Variants in CDH20 observed in about 807,000 individuals in gnomAD.
CDH20 encodes cadherin-20.
A neutral mutation model predicts 74.2 loss-of-function variants in CDH20; 29 were observed. That is an observed-to-expected ratio of 0.39 (90% CI 0.29 to 0.53). The LOEUF is 0.53. Ranked by LOEUF, CDH20 falls within the 20% of genes least tolerant of loss-of-function variation. The pLI, the probability that CDH20 is intolerant of heterozygous loss-of-function variation, is 0.69. For missense variants in CDH20, 988 were observed against 1,048.3 expected, an observed-to-expected ratio of 0.94 and a Z score of 0.79; for synonymous variants, 469 against 405.4, an observed-to-expected ratio of 1.16 and a Z score of -1.88.
intron 1 of CDH20, among the ~76,000 whole-genome samples, chr18:61,461,958 G>C (rs1000879449): frequency 1.3e-5 from 2 of 152,112 alleles, no homozygotes; most frequent in African/African-American, 4.8e-5. Context: ...CTATGCAAAC[G>C]AAGACTTGGC....
intron 1 of CDH20, among the ~76,000 whole-genome samples, chr18:61,365,011 CT>C (rs1369449986): frequency 1.3e-5 from 2 of 152,150 alleles, no homozygotes; most frequent in African/African-American, 4.8e-5. Context: ...CAGGGAAAGC[CT>C]GTGCTTTCCT....
intron 7 of CDH20, among the ~76,000 whole-genome samples, chr18:61,532,382 C>A (rs1292713340): frequency 6.6e-6 from 1 of 152,060 alleles, no homozygotes; most frequent in Non-Finnish European, 1.5e-5. Context: ...ATTCTGATTT[C>A]TCTAGCTCTT....
At chr18:61,540,418 T>C (rs963493470) in intron 9 of CDH20, among the ~76,000 whole-genome samples, 1 of 152,004 alleles carries the variant, frequency 6.6e-6, no homozygotes, top group Non-Finnish European at 1.5e-5. Flanking sequence ...AAAAAGAAGG[T>C]TAATGGACTC....
At chr18:61,433,190 C>T (rs1354151000) in intron 1 of CDH20, among the ~76,000 whole-genome samples, 1 of 152,050 alleles carries the variant, frequency 6.6e-6, no homozygotes, top group Non-Finnish European at 1.5e-5. Flanking sequence ...CAAGATTAAA[C>T]AAGGTAATGT....
At chr18:61,505,657 A>G (rs1351433415) in intron 5 of CDH20, among the ~76,000 whole-genome samples, 1 of 152,206 alleles carries the variant, frequency 6.6e-6, no homozygotes, top group Non-Finnish European at 1.5e-5. Context: ...TCTTAATACC[A>G]TTCTAAAGCA....
chr18:61,469,364 TACACACACACAC>T lies in CDH20; in HGVS notation c.-152-21009_-152-20998del, dbSNP rs35516738. On this transcript the variant is annotated intron_variant, in intron 1 of 11. Coordinates refer to ENST00000262717, the MANE Select transcript of CDH20 (RefSeq NM_031891.4). ...TTAACCCCAGTTGGATGAGAATGAATACACACACACACACACACACACACACACACACACACA... is the reference window on the plus strand; with the variant it reads ...TTAACCCCAGTTGGATGAGAATGAATACACACACACACACACACACACACA... Among the ~76,000 whole-genome samples the T allele has an allele frequency of 9.0e-3, 1,289 of 142,448 alleles. 15 individuals are homozygous for T. The highest frequency in any genetic ancestry group is 0.031 in the African/African-American group (1,190 of 38,324). The allele number at this position is 142,448 out of a possible 152,430, so 93.5% of individuals were successfully genotyped here. A position where few individuals can be genotyped will look rare whatever the true frequency, so the allele number is the denominator to read the frequency against.
At chr18:61,528,446 G>GACACACATACACACACACACACAC (rs370479851) in intron 7 of CDH20, among the ~76,000 whole-genome samples, 55 of 97,726 alleles carry the variant, frequency 5.6e-4, no homozygotes, top group African/African-American at 1.5e-3. Context: ...AATTGGTTGA[G>GACACACATACACACACACACACAC]ACACACACAC....
intron 1 of CDH20, among the ~76,000 whole-genome samples, chr18:61,384,096 G>A (rs980871593): frequency 1.3e-5 from 2 of 152,126 alleles, no homozygotes; most frequent in African/African-American, 4.8e-5. Context: ...GGTGGTTCTC[G>A]AATTTTTACA....
In CDH20 at chr18:61,490,451, C is replaced by A. The variant is rs1568161391; in HGVS notation, c.-103C>A. 4.4e-6 allele frequency: 5 copies of A among 1,138,146 alleles called. No homozygotes were observed. The highest frequency in any genetic ancestry group is 3.8e-6 in the Non-Finnish European group (3 of 781,228). 70.5% of individuals were successfully genotyped at this position (1,138,146 alleles called of 1,614,324 possible). A position where few individuals can be genotyped will look rare whatever the true frequency, so the allele number is the denominator to read the frequency against. On this transcript the variant is annotated 5_prime_UTR_variant, in exon 2 of 12. Coordinates refer to ENST00000262717, the MANE Select transcript of CDH20 (RefSeq NM_031891.4). ...TTGAAACGGGATCTCATTTAGGAAGCATAAGTGTCCAATCAAAAACTGTGT... is the reference window on the plus strand; with the variant it reads ...TTGAAACGGGATCTCATTTAGGAAGAATAAGTGTCCAATCAAAAACTGTGT...
At chr18:61,446,296 C>A (rs138676453) in intron 1 of CDH20, among the ~76,000 whole-genome samples, 35 of 152,292 alleles carry the variant, frequency 2.3e-4, no homozygotes, top group African/African-American at 7.9e-4. Flanking sequence ...AAATAACACA[C>A]CTCAACCGCA....
At position 61,444,661 on chromosome 18, in the gene CDH20, A is replaced by G. The variant is rs145908316; in HGVS notation, c.-152-45741A>G. On this transcript the variant is annotated intron_variant, in intron 1 of 11. Coordinates refer to ENST00000262717, the MANE Select transcript of CDH20 (RefSeq NM_031891.4). ...AGAGGTGCAAGTCCTGTGCAAGTCT[A>G]CATGGGTGGCTGATGTTAGAGGACA... Among the ~76,000 whole-genome samples, 7 of 152,318 alleles carry G rather than the reference A, an allele frequency of 4.6e-5. No homozygotes were observed. In the East Asian group the frequency reaches 1.4e-3, roughly 29 times the overall value.
chr18:61,554,324 G>A lies in CDH20; in HGVS notation c.2035G>A (p.Asp679Asn), dbSNP rs138127688. 1.9e-6 allele frequency: 3 copies of A among 1,613,706 alleles called. No individual in the cohort carries two copies. Among genetic ancestry groups the A allele is most frequent in the East Asian group, 2.2e-5 (1 of 44,880 alleles). Residue 679 changes from aspartate to asparagine, a missense_variant, in exon 12 of 12, where the codon GAC becomes AAC. By Grantham distance (23) the Asp-to-Asn change is conservative. This residue lies in a region of CDH20 where 375 missense variants were observed against 293.1 expected (regional missense o/e 1.28). Transcript: ENST00000262717. ...CGGCGAGGAGGACACCGAGGCCTTC[G>A]ACATCGCGGCCATGTGGAACCCCCG... ...GGGEEDTEAF[D>N]IAAMWNPREA...
rs1910379610 is a variant in CDH20 at position 61,353,527 on chromosome 18, A to G, written c.-153+19700A>G. 6.6e-6 allele frequency among the ~76,000 whole-genome samples: 1 copy of G among 152,252 alleles called. No homozygotes were observed. Among genetic ancestry groups the G allele is most frequent in the Admixed American group, 6.5e-5 (1 of 15,282 alleles). ...TCTAGAAGATGATCTGTAATTGTAT[A>G]GACACAGCTTTACTTGCTTTTGAAT... On this transcript the variant is annotated intron_variant, in intron 1 of 11. Coordinates refer to ENST00000262717, the MANE Select transcript of CDH20 (RefSeq NM_031891.4). This position sits in a 1 kb window ranked among gnomAD's most constrained non-coding sequence, Gnocchi z 4.6.
At chr18:61,499,597 A>T in intron 3 of CDH20, 117 bp downstream of exon 3, 1 of 843,280 alleles carries the variant, frequency 1.2e-6, no homozygotes, top group Non-Finnish European at 1.8e-6. Context: ...ACAGGAGAGC[A>T]TGAGAGGAGA....
chr18:61,366,996 A>T lies in CDH20; in HGVS notation c.-153+33169A>T, dbSNP rs1472469098. Among the ~76,000 whole-genome samples the T allele has an allele frequency of 2.6e-5, 4 of 152,160 alleles. No homozygotes were observed. In the East Asian group the frequency reaches 5.8e-4, roughly 22 times the overall value. On this transcript the variant is annotated intron_variant, in intron 1 of 11. Transcript: ENST00000262717. ...AATTCTTATGTCCATCTGTGGTATG[A>T]CTTAGAGGTGCATCTGGGATTATAA...
At chr18:61,529,911 TG>T (rs944294064) in intron 7 of CDH20, among the ~76,000 whole-genome samples, 2 of 152,144 alleles carry the variant, frequency 1.3e-5, no homozygotes, top group African/African-American at 4.8e-5. Context: ...AGGTTCATAT[TG>T]GAGTGTCTGG....
chr18:61,363,446 T>A (rs74997010), intron 1 of CDH20, among the ~76,000 whole-genome samples: 11,385 of 152,242 alleles, frequency 0.075, 540 homozygotes, highest in Non-Finnish European at 0.11. Context: ...GGGGAAAAAG[T>A]ATCTCTCATG....
intron 1 of CDH20, among the ~76,000 whole-genome samples, chr18:61,418,556 A>G (rs1912775736): frequency 7.2e-6 from 1 of 137,950 alleles, no homozygotes; most frequent in African/African-American, 2.6e-5. Flanking sequence ...TCTGTCTCAA[A>G]AAAAAAAAAA....
chr18:61,527,825 T>C (rs1912484389), intron 6 of CDH20, 142 bp from the exon 7 acceptor site: 6 of 754,582 alleles, frequency 8.0e-6, no homozygotes, highest in Non-Finnish European at 1.3e-5. Context: ...AGATTTCCCT[T>C]CTTTCCCGTT....
Sources: gnomAD v4.1 joint callset for allele counts (sites outside exome capture counted in the v4.1 genomes callset) on GRCh38, gnomAD v4.1.1 for gene constraint, gnomAD v4.1.1 regional missense constraint, Gnocchi (gnomAD v3.1) non-coding constraint, MANE v1.5 for transcripts, NCBI Gene and HGNC (gene_info 2026-07-23, HGNC 2026-07-21) for gene names.